The following APAF1 variants were observed in gnomAD, a reference collection of about 807,000 sequenced individuals.
The protein encoded by APAF1 is apoptotic protease-activating factor 1.
Under a neutral mutation model 152.4 loss-of-function variants are expected in APAF1, and 91 were observed. The ratio of observed to expected loss-of-function variants is 0.60; its 90% CI spans 0.50 to 0.71. APAF1 has a LOEUF of 0.71. Ranked by LOEUF, APAF1 falls within the 30% of genes least tolerant of loss-of-function variation. The pLI, the probability that APAF1 is intolerant of heterozygous loss-of-function variation, is 0.00. For missense variants in APAF1, 1,283 were observed against 1,472.0 expected, an observed-to-expected ratio of 0.87 and a Z score of 2.10; for synonymous variants, 484 against 494.1, an observed-to-expected ratio of 0.98 and a Z score of 0.27.
intron 13 of APAF1, among the ~76,000 whole-genome samples, chr12:98,679,849 C>T (rs1192804522): frequency 6.6e-6 from 1 of 152,270 alleles, no homozygotes; most frequent in Non-Finnish European, 1.5e-5. Context: ...AGTGGCTGGA[C>T]CCCACGCTCA....
intron 23 of APAF1, 87 bp from the exon 24 acceptor site, chr12:98,723,552 T>C (rs890547205): frequency 4.3e-5 from 56 of 1,294,150 alleles, no homozygotes; most frequent in Admixed American, 2.0e-5. Flanking sequence ...TCTTGTTTTA[T>C]AGACCTGTCT....
At chr12:98,691,885 A>G (rs1284004140) in intron 16 of APAF1, among the ~76,000 whole-genome samples, 1 of 152,070 alleles carries the variant, frequency 6.6e-6, no homozygotes, top group Non-Finnish European at 1.5e-5. Context: ...CCGCTCTTCC[A>G]TCCCAGTTCA....
chr12:98,667,368 G>T, intron 9 of APAF1, 145 bp from the exon 10 acceptor site: 1 of 831,046 alleles, frequency 1.2e-6, no homozygotes, highest in Non-Finnish European at 2.0e-6. Context: ...CTCCTACCTT[G>T]GCCTCCCAAA....
chr12:98,727,341 A>G, intron 26 of APAF1, 25 bp downstream of exon 26: 3 of 1,612,820 alleles, frequency 1.9e-6, no homozygotes, highest in Non-Finnish European at 2.5e-6. Flanking sequence ...AGAACTGTGA[A>G]AGAAAATAAT....
At chr12:98,718,486 C>T (rs2097737620) in intron 22 of APAF1, among the ~76,000 whole-genome samples, 1 of 152,110 alleles carries the variant, frequency 6.6e-6, no homozygotes. Flanking sequence ...CTCACCTTGG[C>T]CTCCCAAAGT....
intron 22 of APAF1, among the ~76,000 whole-genome samples, chr12:98,716,273 T>C (rs2097734626): frequency 6.6e-6 from 1 of 152,196 alleles, no homozygotes; most frequent in South Asian, 2.1e-4. Flanking sequence ...GTTGCTTTTT[T>C]CCGCCTTCCA....
intron 4 of APAF1, among the ~76,000 whole-genome samples, chr12:98,654,597 G>T (rs1457063652): frequency 2.0e-5 from 3 of 151,724 alleles, no homozygotes; most frequent in Non-Finnish European, 4.4e-5. Context: ...TAGTAGAGAT[G>T]GGGTTTCACC....
At position 98,648,780 on chromosome 12, in the gene APAF1, G is replaced by A; in HGVS notation, c.293G>A (p.Ser98Asn). The A allele has an allele frequency of 6.2e-6, 10 of 1,613,978 alleles. No individual in the cohort carries two copies. The highest frequency in any genetic ancestry group is 8.5e-6 in the Non-Finnish European group (10 of 1,179,974). Residue 98 changes from serine to asparagine, a missense_variant, in exon 3 of 27, where the codon AGT becomes AAT. By Grantham distance (46) the Ser-to-Asn change is conservative. Coordinates refer to ENST00000551964, the MANE Select transcript of APAF1 (RefSeq NM_181861.2). ...GGCATTCCTGTTGTCTCTTCTTCCA[G>A]TGGTAAAGATTCAGTTAGTGGAATA... ...HDGIPVVSSS[S>N]GKDSVSGITS... is the part of the protein sequence containing the mutation.
In APAF1 at chr12:98,671,544, G is replaced by T. The variant is rs1261028134; in HGVS notation, c.1618G>T (p.Val540Phe). 9.3e-6 allele frequency: 15 copies of T among 1,613,830 alleles called. No individual in the cohort carries two copies. The highest frequency in any genetic ancestry group is 1.3e-5 in the Non-Finnish European group (15 of 1,179,856). The stretch of plus-strand genomic sequence containing the variant: ...TTCAGTTTATTTGTAGGATTGTGCA[G>T]TCAGTGAGAATTTTCAGGAGTTTTT... ...RHILDEKDCA[V>F]SENFQEFLSL... The change falls in exon 12 of 27, where the codon GTC becomes TTC. Residue 540 changes from valine (V) to phenylalanine (F), a missense_variant. Transcript: ENST00000551964.
intron 12 of APAF1, among the ~76,000 whole-genome samples, chr12:98,675,785 G>A (rs1055389708): frequency 1.4e-4 from 22 of 152,146 alleles, no homozygotes; most frequent in African/African-American, 4.1e-4. Flanking sequence ...AGGAACAACT[G>A]TACTTGTTTG....
chr12:98,704,469 A>T (rs1441079154), intron 18 of APAF1, among the ~76,000 whole-genome samples: 1 of 152,188 alleles, frequency 6.6e-6, no homozygotes, highest in Non-Finnish European at 1.5e-5. Context: ...TTCTCTGCTT[A>T]TTTAGCAAAT....
At chr12:98,692,997 A>G (rs147683192) in intron 16 of APAF1, among the ~76,000 whole-genome samples, 1 of 152,216 alleles carries the variant, frequency 6.6e-6, no homozygotes, top group African/African-American at 2.4e-5. Flanking sequence ...ACAAATTTAC[A>G]TTCCCACCAG....
At chr12:98,684,708 A>T (rs899127136) in intron 15 of APAF1, among the ~76,000 whole-genome samples, 1 of 152,052 alleles carries the variant, frequency 6.6e-6, no homozygotes, top group Non-Finnish European at 1.5e-5. Flanking sequence ...ACTCAAAAAA[A>T]CTTGGCCCTA....
intron 15 of APAF1, 93 bp from the exon 16 acceptor site, chr12:98,686,655 T>G (rs959409297): frequency 1.6e-6 from 2 of 1,286,332 alleles, no homozygotes; most frequent in African/African-American, 3.0e-5. Flanking sequence ...ATCAAAAAGC[T>G]TAAATGAGAG....
chr12:98,686,458 A>G (rs557714992), intron 15 of APAF1, among the ~76,000 whole-genome samples: 124 of 152,110 alleles, frequency 8.2e-4, no homozygotes, highest in African/African-American at 2.8e-3. Flanking sequence ...ATTCTAAACC[A>G]CTCCGTTGAA....
At chr12:98,716,310 T>C (rs1048433168) in intron 22 of APAF1, among the ~76,000 whole-genome samples, 3 of 152,246 alleles carry the variant, frequency 2.0e-5, no homozygotes, top group African/African-American at 7.2e-5. Flanking sequence ...CTTATGTGCA[T>C]GCACACGTTC....
chr12:98,715,524 T>C lies in APAF1; in HGVS notation c.3056T>C (p.Ile1019Thr), dbSNP rs749487254. ...IQFTADEKTL[I>T]SSSDDAEIQV... ...TTCACAGCCGATGAGAAGACTCTTA[T>C]TTCAAGTTCTGATGATGCTGAAATT... The change falls in exon 22 of 27, where the codon ATT (isoleucine) becomes ACT (threonine). Residue 1019 changes from isoleucine (I) to threonine (T), a missense_variant. Coordinates refer to ENST00000551964, the MANE Select transcript of APAF1 (RefSeq NM_181861.2). The C allele has an allele frequency of 2.0e-5, 32 of 1,613,610 alleles. No individual in the cohort carries two copies. The highest frequency in any genetic ancestry group is 2.6e-5 in the Non-Finnish European group (31 of 1,179,808).
At chr12:98,716,671 T>C (rs909954468) in intron 22 of APAF1, among the ~76,000 whole-genome samples, 1 of 152,208 alleles carries the variant, frequency 6.6e-6, no homozygotes, top group African/African-American at 2.4e-5. Flanking sequence ...GTTTTGGATA[T>C]TCAGTCTTCC....
At chr12:98,682,563 C>T (rs930213391) in intron 14 of APAF1, among the ~76,000 whole-genome samples, 5 of 152,180 alleles carry the variant, frequency 3.3e-5, no homozygotes, top group Admixed American at 1.3e-4. Flanking sequence ...GGGTTTCTCT[C>T]AGACTATAAA....
Sources: allele counts gnomAD v4.1 joint callset (sites outside exome capture counted in the v4.1 genomes callset), GRCh38; gene constraint gnomAD v4.1.1; transcripts MANE v1.5; gene names NCBI Gene and HGNC (gene_info 2026-07-23, HGNC 2026-07-21).